The following IARS2 variants were observed in gnomAD, a reference collection of about 807,000 sequenced individuals.
The protein encoded by IARS2 is isoleucine--tRNA ligase, mitochondrial.
Under a neutral mutation model 126.3 loss-of-function variants are expected in IARS2, and 56 were observed. The observed-to-expected ratio is 0.44, with a 90% CI of 0.36 to 0.55. IARS2 has a LOEUF of 0.55. Among genes scored for constraint, IARS2 ranks in the 20% least tolerant of loss-of-function variants. IARS2 has a pLI of 0.00. For synonymous variants in IARS2, 407 were observed against 441.1 expected (o/e 0.92, Z 0.97); for missense variants, 1,127 against 1,245.9 (o/e 0.90, Z 1.44).
At chr1:220,144,348 C>T (rs1281905529) in intron 21 of IARS2, 5 of 694,928 alleles carry the variant, frequency 7.2e-6, no homozygotes, top group African/African-American at 7.1e-5. Context: ...TCATGCGCAC[C>T]ATTGTGGTGG....
Position 220,147,876 on chromosome 1 carries a change from T to TATC in IARS2, c.*242_*244dup, listed in dbSNP as rs1657640353. 6.1e-6 allele frequency: 3 copies of TATC among 490,296 alleles called. No individual in the cohort carries two copies. Among genetic ancestry groups the TATC allele is most frequent in the South Asian group, 4.7e-5 (1 of 21,102 alleles). The allele number at this position is 490,296 out of a possible 1,614,324, so 30.4% of individuals were successfully genotyped here. Reference sequence around the variant, plus strand: ...GTGTATCTGTGGATGGATATATGTATATCTCTTCCTATATATATCCATAGT... The same window carrying TATC: ...GTGTATCTGTGGATGGATATATGTATATCATCTCTTCCTATATATATCCATAGT... On this transcript the variant is annotated 3_prime_UTR_variant, in exon 23 of 23. Coordinates refer to ENST00000366922, the MANE Select transcript of IARS2 (RefSeq NM_018060.4).
At chr1:220,111,598 A>ATATATATGTGTGTGTGTG (rs374024744) in intron 11 of IARS2, among the ~76,000 whole-genome samples, 20 of 134,852 alleles carry the variant, frequency 1.5e-4, no homozygotes, top group Admixed American at 6.8e-4. Flanking sequence ...ATATATATAT[A>ATATATATGTGTGTGTGTG]TGTGTGTGTG....
intron 14 of IARS2, 30 bp from the exon 15 acceptor site, chr1:220,134,372 T>G (rs541419567): frequency 2.2e-5 from 31 of 1,430,362 alleles, no homozygotes; most frequent in Non-Finnish European, 2.8e-5. Flanking sequence ...AATTTCTGGG[T>G]TTTTTTTTCT....
intron 11 of IARS2, among the ~76,000 whole-genome samples, chr1:220,111,478 A>G (rs1251464841): frequency 6.6e-6 from 1 of 152,080 alleles, no homozygotes. Flanking sequence ...AAAAATATAC[A>G]AAGTTGTTGC....
intron 18 of IARS2, 31 bp from the exon 19 acceptor site, chr1:220,140,152 C>A: frequency 7.7e-7 from 1 of 1,297,486 alleles, no homozygotes; most frequent in Non-Finnish European, 1.1e-6. Context: ...CCTGTCTCAG[C>A]TTCCAAATTT....
At chr1:220,143,186 C>A in intron 21 of IARS2, 52 bp downstream of exon 21, 2 of 1,392,516 alleles carry the variant, frequency 1.4e-6, no homozygotes, top group Non-Finnish European at 2.0e-6. Context: ...TAGAGCTTTG[C>A]CTGAAATTTG....
At chr1:220,135,335 A>G (rs900874079) in intron 15 of IARS2, among the ~76,000 whole-genome samples, 1 of 152,174 alleles carries the variant, frequency 6.6e-6, no homozygotes, top group Non-Finnish European at 1.5e-5. Context: ...CTCTCTTAGG[A>G]TAAAAACCCA....
chr1:220,122,013 G>C (rs192758951), intron 12 of IARS2, among the ~76,000 whole-genome samples: 1 of 152,126 alleles, frequency 6.6e-6, no homozygotes, highest in Non-Finnish European at 1.5e-5. Flanking sequence ...ATTACTTGAC[G>C]CAGGAGTTCA....
At chr1:220,096,350 T>G in intron 2 of IARS2, 124 bp downstream of exon 2, 2 of 707,216 alleles carry the variant, frequency 2.8e-6, no homozygotes, top group Non-Finnish European at 4.3e-6. Context: ...TAAAACATTT[T>G]CATAGAAAGC....
chr1:220,129,171 C>T (rs1417156690), intron 14 of IARS2, among the ~76,000 whole-genome samples: 1 of 152,020 alleles, frequency 6.6e-6, no homozygotes, highest in Non-Finnish European at 1.5e-5. Flanking sequence ...CGTGAGCCAC[C>T]GCACCCGTCC....
In IARS2 at chr1:220,147,453, G is replaced by C. The variant is rs568981015; in HGVS notation, c.2897-40G>C. 4.4e-6 allele frequency: 7 copies of C among 1,601,870 alleles called. No individual in the cohort carries two copies. The East Asian group carries it at 1.6e-4, about 36-fold the overall frequency. ...CAATTAAGAAACAGTGTTACAAGTT[G>C]AATGCCTATCAGAAATACTCTTCAT... is the stretch of plus-strand genomic sequence containing the variant. On this transcript the variant is annotated intron_variant, in intron 22 of 22. Coordinates refer to ENST00000366922, the MANE Select transcript of IARS2 (RefSeq NM_018060.4).
chr1:220,139,073 C>A lies in IARS2; in HGVS notation c.2241C>A (p.Ile747=). The change falls in exon 18 of 23, where the codon ATC becomes ATA. Residue 747 remains isoleucine, a synonymous_variant. Transcript: ENST00000366922. ...ATTTCAACCCAGAAACAGATTCCAT[C>A]CCTGTAAACGATATGTATGTCATAG... ...VADFNPETDS[I]PVNDMYVIDQ... 6.2e-7 allele frequency: 1 copy of A among 1,612,486 alleles called. No individual in the cohort carries two copies. The highest frequency in any genetic ancestry group is 8.5e-7 in the Non-Finnish European group (1 of 1,178,614).
At position 220,147,451 on chromosome 1, in the gene IARS2, T is replaced by G. The variant is rs1455206245; in HGVS notation, c.2897-42T>G. ...ACCAATTAAGAAACAGTGTTACAAGTTGAATGCCTATCAGAAATACTCTTC... is the reference window on the plus strand; with the variant it reads ...ACCAATTAAGAAACAGTGTTACAAGGTGAATGCCTATCAGAAATACTCTTC... On this transcript the variant is annotated intron_variant, in intron 22 of 22. Transcript: ENST00000366922. The G allele has an allele frequency of 1.9e-6, 3 of 1,601,260 alleles. No homozygotes were observed. In the Admixed American group the frequency reaches 5.0e-5, roughly 27 times the overall value.
At chr1:220,131,046 A>G (rs1657256472) in intron 14 of IARS2, among the ~76,000 whole-genome samples, 2 of 152,192 alleles carry the variant, frequency 1.3e-5, no homozygotes, top group Non-Finnish European at 2.9e-5. Context: ...CTTTTTGCTC[A>G]GTATTGCTTT....
rs746455426 is a variant in IARS2 at position 220,102,533 on chromosome 1, A to G, written c.788A>G (p.Glu263Gly). Reference sequence around the variant, plus strand: ...GAAGCAGAACTTGAATATAATCCTGAGCATGTCAGTCGTTCAATATATGTA... The same window carrying G: ...GAAGCAGAACTTGAATATAATCCTGGGCATGTCAGTCGTTCAATATATGTA... ...LAEAELEYNP[E>G]HVSRSIYVKF... Residue 263 changes from glutamate (E) to glycine (G), a missense_variant, in exon 6 of 23, where the codon GAG (glutamate) becomes GGG (glycine). Transcript: ENST00000366922. 6 of 1,614,048 alleles carry G rather than the reference A, an allele frequency of 3.7e-6. No homozygotes were observed. The Admixed American group carries it at 1.0e-4, about 27-fold the overall frequency.
In IARS2 at chr1:220,141,870, GATGTAATA is replaced by G; in HGVS notation, c.2483_2490del (p.Asp828GlyfsTer13). The G allele has an allele frequency of 6.2e-7, 1 of 1,614,152 alleles. No homozygotes were observed. The highest frequency in any genetic ancestry group is 8.5e-7 in the Non-Finnish European group (1 of 1,180,016). The stretch of plus-strand genomic sequence containing the variant: ...TCAGACTGCATTAGTTGAAATTTTG[GATGTAATA>G]GTTCGTTCTTTTGCTCCCATTCTTC... On this transcript the variant is annotated frameshift_variant, in exon 20 of 23. Coordinates refer to ENST00000366922, the MANE Select transcript of IARS2 (RefSeq NM_018060.4). LOFTEE classifies it high-confidence loss of function.
chr1:220,117,058 T>C (rs1656927049), intron 12 of IARS2, among the ~76,000 whole-genome samples: 1 of 150,660 alleles, frequency 6.6e-6, no homozygotes, highest in Non-Finnish European at 1.5e-5. Context: ...AGACTTAGTT[T>C]AAAAGAAAAA....
chr1:220,137,823 C>G, intron 16 of IARS2, 95 bp from the exon 17 acceptor site: 1 of 1,406,368 alleles, frequency 7.1e-7, no homozygotes, highest in Non-Finnish European at 9.9e-7. Context: ...ACATTGTGCT[C>G]AAAAATATCT....
At position 220,112,810 on chromosome 1, in the gene IARS2, C is replaced by A. The variant is rs576502946; in HGVS notation, c.1480-1504C>A. Reference sequence around the variant, plus strand: ...CTGAGCTCAAGCAGTCTGCCTGCTTCGGCCTCTCAGAGTGCTGTAATTACA... The same window carrying A: ...CTGAGCTCAAGCAGTCTGCCTGCTTAGGCCTCTCAGAGTGCTGTAATTACA... On this transcript the variant is annotated intron_variant, in intron 11 of 22. Coordinates refer to ENST00000366922, the MANE Select transcript of IARS2 (RefSeq NM_018060.4). 3.0e-4 allele frequency among the ~76,000 whole-genome samples: 45 copies of A among 152,098 alleles called. No homozygotes were observed. The East Asian group carries it at 7.5e-3, about 26-fold the overall frequency.
Sources: allele counts gnomAD v4.1 joint callset (sites outside exome capture counted in the v4.1 genomes callset), GRCh38; gene constraint gnomAD v4.1.1; transcripts MANE v1.5; gene names NCBI Gene and HGNC (gene_info 2026-07-23, HGNC 2026-07-21).